The following SDK1 variants were observed in gnomAD, a reference collection of about 807,000 sequenced individuals.
The protein encoded by SDK1 is sidekick cell adhesion molecule 1, also known as protein sidekick-1.
Under a neutral mutation model 245.5 loss-of-function variants are expected in SDK1, and 157 were observed. That is an observed-to-expected ratio of 0.64 (90% CI 0.56 to 0.73). The LOEUF (loss-of-function observed/expected upper bound fraction) is 0.73. SDK1 is among the 30% of genes least tolerant of loss of function. SDK1 has a pLI of 0.00. For synonymous variants in SDK1, 1,647 were observed against 1,278.5 expected (o/e 1.29, Z -6.15); for missense variants, 3,583 against 3,002.3 (o/e 1.19, Z -4.52).
At chr7:3,993,815 C>A (rs1287379726) in intron 14 of SDK1, among the ~76,000 whole-genome samples, 1 of 152,120 alleles carries the variant, frequency 6.6e-6, no homozygotes, top group Non-Finnish European at 1.5e-5. Flanking sequence ...TGCACCTCCT[C>A]ACTTCTCACG....
At chr7:4,097,707 C>A (rs1464060522) in intron 22 of SDK1, among the ~76,000 whole-genome samples, 2 of 152,214 alleles carry the variant, frequency 1.3e-5, no homozygotes, top group Non-Finnish European at 2.9e-5. Context: ...ATCACTACTT[C>A]TGTCTCCTCC....
rs183345777 is a variant in SDK1 at position 3,379,128 on chromosome 7, G to T, written c.298+77244G>T. Among the ~76,000 whole-genome samples, 19 of 152,242 alleles carry T rather than the reference G, an allele frequency of 1.2e-4. No homozygotes were observed. The East Asian group carries it at 2.9e-3, about 23-fold the overall frequency. On this transcript the variant is annotated intron_variant, in intron 1 of 44. Coordinates refer to ENST00000404826, the MANE Select transcript of SDK1 (RefSeq NM_152744.4). ...GGGTTCCTTCTATTTCTTTAGATTT[G>T]CCATCATTGGTCCCGTCACTTTTCT...
Position 4,174,208 on chromosome 7 carries a change from T to TG in SDK1, c.4801-13dup. Reference sequence around the variant, plus strand: ...CTCCCATGGTGTGGCTGAGTCGGTGTGATGTCTTTGCAGCCTCCGAGGGAC... The same window carrying TG: ...CTCCCATGGTGTGGCTGAGTCGGTGTGGATGTCTTTGCAGCCTCCGAGGGAC... On this transcript the variant is annotated splice_polypyrimidine_tract_variant and intron_variant, in intron 32 of 44. Transcript: ENST00000404826. The TG allele has an allele frequency of 6.2e-7, 1 of 1,613,880 alleles. No individual in the cohort carries two copies. The highest frequency in any genetic ancestry group is 1.7e-5 in the Admixed American group (1 of 60,012).
At chr7:3,344,685 G>A (rs372624682) in intron 1 of SDK1, among the ~76,000 whole-genome samples, 10 of 152,166 alleles carry the variant, frequency 6.6e-5, no homozygotes, top group African/African-American at 1.2e-4. Context: ...TGGACTGGAC[G>A]TAATGGCATG....
chr7:3,403,844 T>C (rs1376599150), intron 1 of SDK1, among the ~76,000 whole-genome samples: 3 of 93,468 alleles, frequency 3.2e-5, no homozygotes, highest in Admixed American at 1.1e-4. Flanking sequence ...TATATATATA[T>C]ATATATATAT....
At chr7:4,013,043 C>T (rs527531611) in intron 16 of SDK1, among the ~76,000 whole-genome samples, 1 of 152,286 alleles carries the variant, frequency 6.6e-6, no homozygotes, top group East Asian at 1.9e-4. Context: ...TAGCTTTGTA[C>T]CTGAAACCTC....
intron 1 of SDK1, among the ~76,000 whole-genome samples, chr7:3,344,033 A>AC (rs1314401624): frequency 5.3e-5 from 8 of 151,374 alleles, no homozygotes; most frequent in Non-Finnish European, 1.2e-4. Flanking sequence ...AAAAAAAAAA[A>AC]AAACTAGAAA....
chr7:4,142,213 C>T (rs1201647594), intron 28 of SDK1, among the ~76,000 whole-genome samples: 2 of 152,106 alleles, frequency 1.3e-5, no homozygotes, highest in African/African-American at 4.8e-5. Flanking sequence ...TTTTTGCTGC[C>T]TTAGCGAAAG....
At position 3,969,441 on chromosome 7, in the gene SDK1, G is replaced by A. The variant is rs773366409; in HGVS notation, c.1714+17G>A. On this transcript the variant is annotated intron_variant, in intron 11 of 44. Coordinates refer to ENST00000404826, the MANE Select transcript of SDK1 (RefSeq NM_152744.4). Reference sequence around the variant, plus strand: ...CTGTGTGGAGTAAGGAGCAGCCCTCGCACGTCGGCCTTCTGTTAGCCACGG... The same window carrying A: ...CTGTGTGGAGTAAGGAGCAGCCCTCACACGTCGGCCTTCTGTTAGCCACGG... 8.6e-6 allele frequency: 13 copies of A among 1,512,780 alleles called. No individual in the cohort carries two copies. Among genetic ancestry groups the A allele is most frequent in the Middle Eastern group, 3.5e-4 (2 of 5,692 alleles). The allele number at this position is 1,512,780 out of a possible 1,614,324, so 93.7% of individuals were successfully genotyped here.
intron 4 of SDK1, among the ~76,000 whole-genome samples, chr7:3,668,132 T>A (rs1464134912): frequency 1.3e-5 from 2 of 152,260 alleles, no homozygotes; most frequent in Middle Eastern, 3.4e-3. Context: ...TGCAAGCCAT[T>A]CTCATTATGT....
At chr7:3,937,324 C>G (rs763126687) in intron 5 of SDK1, among the ~76,000 whole-genome samples, 1 of 152,126 alleles carries the variant, frequency 6.6e-6, no homozygotes, top group Non-Finnish European at 1.5e-5. Flanking sequence ...CATGGTCATG[C>G]GTTCCAGTGG....
At chr7:4,144,426 G>T (rs532501368) in intron 28 of SDK1, among the ~76,000 whole-genome samples, 1 of 152,238 alleles carries the variant, frequency 6.6e-6, no homozygotes, top group South Asian at 2.1e-4. Flanking sequence ...AGGGCAGGGC[G>T]TGTGTCCCTG....
chr7:3,557,642 G>A (rs1363170597), intron 1 of SDK1, among the ~76,000 whole-genome samples: 2 of 152,168 alleles, frequency 1.3e-5, no homozygotes, highest in Non-Finnish European at 2.9e-5. Context: ...CCTGGTCCCA[G>A]CATTGTACTA....
At chr7:3,527,783 T>A (rs921443951) in intron 1 of SDK1, among the ~76,000 whole-genome samples, 7 of 150,168 alleles carry the variant, frequency 4.7e-5, no homozygotes, top group Admixed American at 1.3e-4. Context: ...TGAGGTTGGA[T>A]CATAGCCAGC....
intron 1 of SDK1, among the ~76,000 whole-genome samples, chr7:3,526,729 GTTTC>G (rs1398440556): frequency 6.6e-6 from 1 of 151,944 alleles, no homozygotes; most frequent in Non-Finnish European, 1.5e-5. Context: ...TATCTGTTCT[GTTTC>G]TTTTTCTTTT....
At chr7:3,501,118 T>C (rs868196117) in intron 1 of SDK1, among the ~76,000 whole-genome samples, 1 of 152,328 alleles carries the variant, frequency 6.6e-6, no homozygotes, top group East Asian at 1.9e-4. Context: ...GACTAAAACA[T>C]TGAAAGTCTT....
At chr7:3,755,981 A>G (rs189608101) in intron 4 of SDK1, among the ~76,000 whole-genome samples, 8 of 151,920 alleles carry the variant, frequency 5.3e-5, no homozygotes, top group African/African-American at 1.9e-4. Flanking sequence ...AGCACGTGTG[A>G]CACATGCATA....
At chr7:3,576,017 A>G (rs1004873599) in intron 1 of SDK1, among the ~76,000 whole-genome samples, 3 of 152,012 alleles carry the variant, frequency 2.0e-5, no homozygotes, top group African/African-American at 4.8e-5. Context: ...TACCTGGACT[A>G]TGTTCAAAAG....
intron 1 of SDK1, among the ~76,000 whole-genome samples, chr7:3,504,910 T>G (rs762647139): frequency 6.6e-5 from 10 of 152,210 alleles, no homozygotes; most frequent in Non-Finnish European, 1.0e-4. Context: ...CTCCTAGTTA[T>G]GTACCCAAGA....
Sources: gnomAD v4.1 joint callset for allele counts (sites outside exome capture counted in the v4.1 genomes callset) on GRCh38, gnomAD v4.1.1 for gene constraint, MANE v1.5 for transcripts, NCBI Gene and HGNC (gene_info 2026-07-23, HGNC 2026-07-21) for gene names.